RASAL2: variants seen among roughly 807,000 people sequenced by gnomAD.
RASAL2 encodes RAS protein activator like 2, also known as ras GTPase-activating protein nGAP.
A neutral mutation model predicts 128.9 loss-of-function variants in RASAL2; 58 were observed. The ratio of observed to expected loss-of-function variants is 0.45; its 90% confidence interval spans 0.36 to 0.56. RASAL2 has a LOEUF of 0.56. Among genes scored for constraint, RASAL2 ranks in the 20% least tolerant of loss-of-function variants. The probability of loss-of-function intolerance (pLI) is 0.00; values close to 1 mark genes in which losing one functional copy is unlikely to be tolerated. For missense variants in RASAL2, 1,360 were observed against 1,601.6 expected (o/e 0.85, Z 2.57); for synonymous variants, 561 against 580.8 (o/e 0.97, Z 0.49).
intron 3 of RASAL2, among the ~76,000 whole-genome samples, chr1:178,360,474 C>T (rs1671048383): frequency 1.3e-5 from 2 of 152,310 alleles, no homozygotes; most frequent in South Asian, 4.1e-4. Context: ...AGCTTCCCTA[C>T]TGAATAGTTC....
At chr1:178,145,417 G>A (rs1419944119) in intron 1 of RASAL2, among the ~76,000 whole-genome samples, 1 of 151,828 alleles carries the variant, frequency 6.6e-6, no homozygotes, top group Non-Finnish European at 1.5e-5. Context: ...AGTTAATTTT[G>A]ATAGATATTT....
intron 11 of RASAL2, among the ~76,000 whole-genome samples, chr1:178,454,164 G>A (rs1207581776): frequency 1.4e-5 from 2 of 147,536 alleles, no homozygotes; most frequent in African/African-American, 5.0e-5. Context: ...GTAAGTGAGG[G>A]CTATATTGCA....
At chr1:178,131,028 C>T (rs1660090040) in intron 1 of RASAL2, among the ~76,000 whole-genome samples, 1 of 148,780 alleles carries the variant, frequency 6.7e-6, no homozygotes, top group African/African-American at 2.5e-5. Flanking sequence ...CAGTCCCAGC[C>T]TGGGTGAAAG....
chr1:178,431,848 A>G (rs1675927599), intron 5 of RASAL2, among the ~76,000 whole-genome samples: 1 of 149,766 alleles, frequency 6.7e-6, no homozygotes, highest in African/African-American at 2.4e-5. Context: ...ATAGACATAT[A>G]TGTTTGTATT....
Position 178,456,770 on chromosome 1 carries a change from C to T in RASAL2, c.2261C>T (p.Thr754Ile). The change falls in exon 13 of 18, where the codon ACC becomes ATC. Residue 754 changes from threonine to isoleucine, a missense_variant. By Grantham distance (89) the Thr-to-Ile change is moderately conservative. This residue lies in a region of RASAL2 where 741 missense variants were observed against 868.6 expected (regional missense o/e 0.85). Coordinates refer to ENST00000367649, the MANE Select transcript of RASAL2 (RefSeq NM_170692.4). ...CTCCCTCGTGTTCTTGCTGATATTA[C>T]CAAGTCATTGACTAATCCTACGCCA... ...GPLPRVLADI[T>I]KSLTNPTPIQ... 1 of 1,614,132 alleles carries T rather than the reference C, an allele frequency of 6.2e-7. No homozygotes were observed. The highest frequency in any genetic ancestry group is 2.2e-5 in the East Asian group (1 of 44,868).
intron 2 of RASAL2, among the ~76,000 whole-genome samples, chr1:178,298,357 A>G (rs572666261): frequency 2.9e-4 from 44 of 152,290 alleles, no homozygotes; most frequent in African/African-American, 1.0e-3. Context: ...TCTGCCCTTC[A>G]ATTTCTCAAT....
chr1:178,339,619 C>T (rs1669765915), intron 3 of RASAL2, among the ~76,000 whole-genome samples: 2 of 152,142 alleles, frequency 1.3e-5, no homozygotes, highest in Admixed American at 6.5e-5. Flanking sequence ...CAACTCAGCA[C>T]CAAGCCTGTT....
At chr1:178,243,358 A>C (rs1469785028) in intron 1 of RASAL2, among the ~76,000 whole-genome samples, 1 of 152,150 alleles carries the variant, frequency 6.6e-6, no homozygotes, top group Non-Finnish European at 1.5e-5. Context: ...CCATTGGGGA[A>C]AATGAGGCTT....
chr1:178,451,164 TGGACTATTCAATCAA>T (rs1677349762), intron 9 of RASAL2, among the ~76,000 whole-genome samples: 1 of 152,198 alleles, frequency 6.6e-6, no homozygotes, highest in African/African-American at 2.4e-5. Context: ...AAACCTTCAC[TGGACTATTCAATCAA>T]GCTTGGGTCA....
At chr1:178,152,560 G>T (rs1357327371) in intron 1 of RASAL2, among the ~76,000 whole-genome samples, 1 of 152,140 alleles carries the variant, frequency 6.6e-6, no homozygotes, top group Non-Finnish European at 1.5e-5. Context: ...AGCTACTCGG[G>T]AGGCTGAGGC....
At chr1:178,235,181 A>G (rs1664176722) in intron 1 of RASAL2, among the ~76,000 whole-genome samples, 1 of 152,198 alleles carries the variant, frequency 6.6e-6, no homozygotes, top group Non-Finnish European at 1.5e-5. Context: ...AAGGTGATCA[A>G]AGTAAAAGAA....
In RASAL2 at chr1:178,094,341, G is replaced by A. The variant is rs1658582265; in HGVS notation, c.-152G>A. On this transcript the variant is annotated 5_prime_UTR_variant, in exon 1 of 18. Coordinates refer to ENST00000367649, the MANE Select transcript of RASAL2 (RefSeq NM_170692.4). The stretch of plus-strand genomic sequence containing the variant: ...CCGAGCCTCGGGCAGTGGGCGACGG[G>A]GAAGGAGGTGAGAGGTGTCCGCGCC... 3 of 676,966 alleles carry A rather than the reference G, an allele frequency of 4.4e-6. No homozygotes were observed. Among genetic ancestry groups the A allele is most frequent in the Non-Finnish European group, 4.7e-6 (2 of 428,608 alleles). 41.9% of individuals were successfully genotyped at this position (676,966 alleles called of 1,614,324 possible). A position where few individuals can be genotyped will look rare whatever the true frequency, so the allele number is the denominator to read the frequency against.
chr1:178,357,012 T>G (rs1260222201), intron 3 of RASAL2, among the ~76,000 whole-genome samples: 1 of 152,222 alleles, frequency 6.6e-6, no homozygotes, highest in Non-Finnish European at 1.5e-5. Flanking sequence ...AGTTGCCAAC[T>G]TTGAGTTAAG....
intron 1 of RASAL2, among the ~76,000 whole-genome samples, chr1:178,095,065 A>G (rs2102204224): frequency 6.6e-6 from 1 of 152,330 alleles, no homozygotes; most frequent in East Asian, 1.9e-4. Context: ...TTATTGTTGA[A>G]TGAGGCAAGA....
At chr1:178,235,444 A>G (rs1664188164) in intron 1 of RASAL2, among the ~76,000 whole-genome samples, 1 of 152,188 alleles carries the variant, frequency 6.6e-6, no homozygotes, top group Non-Finnish European at 1.5e-5. Flanking sequence ...AAAATGTAAT[A>G]ATATGTATAT....
At chr1:178,116,135 C>T (rs1401411524) in intron 1 of RASAL2, among the ~76,000 whole-genome samples, 1 of 152,174 alleles carries the variant, frequency 6.6e-6, no homozygotes, top group East Asian at 1.9e-4. Context: ...TATCTCTTTG[C>T]TTGCTTTTCC....
At chr1:178,296,135 ATG>A (rs1321786306) in intron 2 of RASAL2, among the ~76,000 whole-genome samples, 2 of 141,654 alleles carry the variant, frequency 1.4e-5, no homozygotes, top group Admixed American at 6.8e-5. Flanking sequence ...GTGTATATAT[ATG>A]TGTGTGTATA....
intron 2 of RASAL2, among the ~76,000 whole-genome samples, chr1:178,292,897 A>T (rs935585739): frequency 6.6e-6 from 1 of 152,194 alleles, no homozygotes; most frequent in Non-Finnish European, 1.5e-5. Context: ...TTAAGGCTGG[A>T]TTCTGGTGTA....
chr1:178,341,956 A>C (rs1212591626), intron 3 of RASAL2, among the ~76,000 whole-genome samples: 1 of 152,234 alleles, frequency 6.6e-6, no homozygotes, highest in Non-Finnish European at 1.5e-5. Context: ...TGAAATATAA[A>C]GATACCTGGG....
Sources: allele counts gnomAD v4.1 joint callset (sites outside exome capture counted in the v4.1 genomes callset), GRCh38; gene constraint gnomAD v4.1.1; regional missense constraint gnomAD v4.1.1; transcripts MANE v1.5; gene names NCBI Gene and HGNC (gene_info 2026-07-23, HGNC 2026-07-21).